Variants in TM4SF4 observed in about 807,000 individuals in gnomAD.
The protein encoded by TM4SF4 is transmembrane 4 L six family member 4, also known as transmembrane 4 L6 family member 4.
Under a neutral mutation model 24.1 loss-of-function variants are expected in TM4SF4, and 24 were observed. The ratio of observed to expected loss-of-function variants is 1.00; its 90% CI spans 0.72 to 1.40. The LOEUF (loss-of-function observed/expected upper bound fraction) is 1.40, where lower values mean the gene tolerates loss of function less well. TM4SF4 is among the 40% of genes most tolerant of loss of function. The pLI is 0.00. For synonymous variants in TM4SF4, 113 were observed against 97.0 expected (o/e 1.17, Z -0.97); for missense variants, 254 against 254.2 (o/e 1.00, Z 0.01).
intron 2 of TM4SF4, among the ~76,000 whole-genome samples, chr3:149,476,673 T>A (rs1733933219): frequency 6.6e-6 from 1 of 152,232 alleles, no homozygotes; most frequent in South Asian, 2.1e-4. Flanking sequence ...ATGTGCTATA[T>A]CTTTCCACAA....
chr3:149,479,176 C>A (rs1360882038), intron 2 of TM4SF4, among the ~76,000 whole-genome samples: 2 of 152,076 alleles, frequency 1.3e-5, no homozygotes, highest in Non-Finnish European at 2.9e-5. Context: ...CATTTTGGCA[C>A]AACAGCACCC....
Position 149,475,803 on chromosome 3 carries a change from G to A in TM4SF4, c.175-20G>A, listed in dbSNP as rs1733917599. On this transcript the variant is annotated intron_variant, in intron 1 of 4. Coordinates refer to ENST00000305354, the MANE Select transcript of TM4SF4 (RefSeq NM_004617.4). Reference sequence around the variant, plus strand: ...CCTTCAACTCCTGGACTCTCTCTGAGGTGCCTCTTCTCCTGGTAGATGATC... The same window carrying A: ...CCTTCAACTCCTGGACTCTCTCTGAAGTGCCTCTTCTCCTGGTAGATGATC... The A allele has an allele frequency of 1.3e-6, 2 of 1,594,176 alleles. No homozygotes were observed. The highest frequency in any genetic ancestry group is 1.3e-5 in the African/African-American group (1 of 74,570).
intron 2 of TM4SF4, among the ~76,000 whole-genome samples, chr3:149,481,280 G>GAAA (rs1233202592): frequency 7.0e-6 from 1 of 142,978 alleles, no homozygotes; most frequent in Non-Finnish European, 1.6e-5. Flanking sequence ...TTGGTGTAAG[G>GAAA]GAAGTACCAA....
At chr3:149,493,144 T>C (rs1452445594) in intron 3 of TM4SF4, among the ~76,000 whole-genome samples, 2 of 152,218 alleles carry the variant, frequency 1.3e-5, no homozygotes, top group Admixed American at 6.5e-5. Flanking sequence ...TTTATGAATA[T>C]AAAGTATTAT....
At chr3:149,495,094 G>A (rs1349361592) in intron 3 of TM4SF4, 3 of 260,152 alleles carry the variant, frequency 1.2e-5, no homozygotes, top group Middle Eastern at 1.5e-3. Flanking sequence ...AATTGTTGGT[G>A]TTAACAAAAT....
At chr3:149,483,915 G>A (rs1467651660) in intron 2 of TM4SF4, among the ~76,000 whole-genome samples, 1 of 151,926 alleles carries the variant, frequency 6.6e-6, no homozygotes, top group East Asian at 1.9e-4. Context: ...TGAGTAGCTG[G>A]GACTACAGGT....
chr3:149,478,931 T>A (rs1197590009), intron 2 of TM4SF4, among the ~76,000 whole-genome samples: 2 of 151,662 alleles, frequency 1.3e-5, no homozygotes, highest in African/African-American at 2.4e-5. Context: ...GCTCGGCTAA[T>A]TTTTTTTGTA....
chr3:149,476,019 T>C, intron 2 of TM4SF4, 107 bp downstream of exon 2: 1 of 895,358 alleles, frequency 1.1e-6, no homozygotes, highest in Non-Finnish European at 1.8e-6. Flanking sequence ...GCCAGGACTC[T>C]GGGAGCAGCT....
At chr3:149,485,969 T>C (rs186056259) in intron 2 of TM4SF4, among the ~76,000 whole-genome samples, 3 of 152,194 alleles carry the variant, frequency 2.0e-5, no homozygotes, top group Admixed American at 6.5e-5. Flanking sequence ...TATTAAAACG[T>C]TGCATCAATC....
intron 2 of TM4SF4, among the ~76,000 whole-genome samples, chr3:149,480,386 G>A (rs1189752525): frequency 6.6e-6 from 1 of 152,154 alleles, no homozygotes; most frequent in Non-Finnish European, 1.5e-5. Context: ...CTTTAATAAT[G>A]AGACCAAAGG....
At chr3:149,477,915 G>A (rs927758135) in intron 2 of TM4SF4, among the ~76,000 whole-genome samples, 2 of 152,064 alleles carry the variant, frequency 1.3e-5, no homozygotes, top group African/African-American at 4.8e-5. Flanking sequence ...TGAAAAGAAA[G>A]AAGAGTCATT....
chr3:149,483,855 G>A (rs60248822), intron 2 of TM4SF4, among the ~76,000 whole-genome samples: 1 of 151,726 alleles, frequency 6.6e-6, no homozygotes, highest in Non-Finnish European at 1.5e-5. Context: ...ATCTCGGCTC[G>A]CTGCAACCCG....
At chr3:149,494,750 C>T (rs1463819894) in intron 3 of TM4SF4, 5 of 152,394 alleles carry the variant, frequency 3.3e-5, no homozygotes, top group African/African-American at 1.2e-4. Context: ...GATCGACAAA[C>T]ATGATATAAA....
rs377594551 is a variant in TM4SF4, at chr3:149,475,016, T to C, written c.139T>C (p.Trp47Arg). The change falls in exon 1 of 5, where the codon TGG becomes CGG. Residue 47 changes from tryptophan to arginine, a missense_variant. Transcript: ENST00000305354. ...CAACGACCACCTTTCCCAAGAGATC[T>C]GGTTTTTCGGAGGAATATTAGGAAG... ...DDNDHLSQEI[W>R]FFGGILGSGV... is the part of the protein sequence containing the mutation. 2 of 1,613,736 alleles carry C rather than the reference T, an allele frequency of 1.2e-6. No homozygotes were observed. Among genetic ancestry groups the C allele is most frequent in the African/African-American group, 2.7e-5 (2 of 74,892 alleles).
chr3:149,500,021 A>G (rs777251576), intron 4 of TM4SF4, among the ~76,000 whole-genome samples: 2 of 152,208 alleles, frequency 1.3e-5, no homozygotes, highest in African/African-American at 4.8e-5. Context: ...TCTTCTATCC[A>G]GCCAGTTCCC....
rs138081194 is a variant in TM4SF4 at position 149,497,958 on chromosome 3, T to C, written c.402-764T>C. Among the ~76,000 whole-genome samples, 307 of 152,310 alleles carry C rather than the reference T, an allele frequency of 2.0e-3. 1 individual carries two copies. Among genetic ancestry groups the C allele is most frequent in the African/African-American group, 7.0e-3 (291 of 41,570 alleles). On this transcript the variant is annotated intron_variant, in intron 3 of 4. Transcript: ENST00000305354. ...CCGCGCCCGGCCACAATGCCCTTTATATTGCAATAAACTCTTTATATAATA... is the reference window on the plus strand; with the variant it reads ...CCGCGCCCGGCCACAATGCCCTTTACATTGCAATAAACTCTTTATATAATA...
At chr3:149,475,450 C>T (rs2107864641) in intron 1 of TM4SF4, among the ~76,000 whole-genome samples, 1 of 152,254 alleles carries the variant, frequency 6.6e-6, no homozygotes, top group South Asian at 2.1e-4. Context: ...GGTCGTCTTC[C>T]ACTTAGGACC....
At chr3:149,476,394 T>C (rs1299301764) in intron 2 of TM4SF4, among the ~76,000 whole-genome samples, 2 of 152,266 alleles carry the variant, frequency 1.3e-5, no homozygotes, top group African/African-American at 4.8e-5. Flanking sequence ...TCTCTATTTC[T>C]GAGGCCCAGC....
chr3:149,486,858 G>A (rs1024969397), intron 2 of TM4SF4, among the ~76,000 whole-genome samples: 14 of 152,160 alleles, frequency 9.2e-5, no homozygotes, highest in South Asian at 2.1e-4. Context: ...GGCCAATGAG[G>A]AGGGGTTCTA....
Sources: allele counts gnomAD v4.1 joint callset (sites outside exome capture counted in the v4.1 genomes callset), GRCh38; gene constraint gnomAD v4.1.1; transcripts MANE v1.5; gene names NCBI Gene and HGNC (gene_info 2026-07-23, HGNC 2026-07-21).